The following VWA3B variants were observed in gnomAD, a reference collection of about 807,000 sequenced individuals.
VWA3B encodes the protein von Willebrand factor A domain containing 3B.
Under a neutral mutation model 158.3 loss-of-function variants are expected in VWA3B, and 138 were observed. That is an observed-to-expected ratio of 0.87 (90% CI 0.76 to 1.00). The LOEUF (loss-of-function observed/expected upper bound fraction) is 1.00, where lower values mean the gene tolerates loss of function less well. Among genes scored for constraint, VWA3B ranks in the 50% least tolerant of loss-of-function variants. The pLI, the probability that VWA3B is intolerant of heterozygous loss-of-function variation, is 0.00. For missense variants in VWA3B, 1,555 were observed against 1,565.1 expected, an observed-to-expected ratio of 0.99 and a Z score of 0.11; for synonymous variants, 596 against 587.3, an observed-to-expected ratio of 1.01 and a Z score of -0.21.
intron 20 of VWA3B, among the ~76,000 whole-genome samples, chr2:98,255,180 ATATTTTTTTTTTTT>A (rs1687044976): frequency 3.0e-5 from 2 of 65,934 alleles, no homozygotes; most frequent in South Asian, 6.8e-4. Flanking sequence ...CGCCCGGCTG[ATATTTTTTTTTTTT>A]TTTTTTTTTT....
intron 8 of VWA3B, among the ~76,000 whole-genome samples, chr2:98,169,460 G>GA (rs369156020): frequency 1.2e-3 from 174 of 141,930 alleles, no homozygotes; most frequent in African/African-American, 3.3e-3. Context: ...AAACCTGTCA[G>GA]AAAAAAAAAA....
At chr2:98,223,551 A>G (rs543303932) in intron 14 of VWA3B, among the ~76,000 whole-genome samples, 1 of 152,308 alleles carries the variant, frequency 6.6e-6, no homozygotes, top group Admixed American at 6.5e-5. Context: ...TGTCATAGTT[A>G]AACGTTTGAA....
intron 16 of VWA3B, among the ~76,000 whole-genome samples, chr2:98,234,405 G>A (rs1353541647): frequency 1.3e-5 from 2 of 152,192 alleles, no homozygotes; most frequent in Non-Finnish European, 2.9e-5. Flanking sequence ...GCAAGGAGCT[G>A]GGTTCTGCCA....
Position 98,155,376 on chromosome 2 carries a change from G to A in VWA3B, c.989-7475G>A, listed in dbSNP as rs1677977869. On this transcript the variant is annotated intron_variant, in intron 7 of 27. Transcript: ENST00000477737. ...TTTGCTCACGTAGATCTTGTATCAT[G>A]AGAATTTTCCAGGATACCCAAGGCC... is the stretch of plus-strand genomic sequence containing the variant. 3.9e-5 allele frequency among the ~76,000 whole-genome samples: 6 copies of A among 152,214 alleles called. No individual in the cohort carries two copies. In the South Asian group the frequency reaches 1.0e-3, roughly 26 times the overall value.
intron 2 of VWA3B, 143 bp downstream of exon 2, chr2:98,093,431 C>G (rs527848725): frequency 4.2e-6 from 3 of 714,084 alleles, no homozygotes; most frequent in African/African-American, 1.8e-5. Flanking sequence ...AATGCTTGCA[C>G]GTGTGCCCCC....
intron 11 of VWA3B, among the ~76,000 whole-genome samples, chr2:98,193,387 G>C (rs922524728): frequency 6.6e-6 from 1 of 152,096 alleles, no homozygotes; most frequent in South Asian, 2.1e-4. Flanking sequence ...CCTGGTGCAT[G>C]GGAGGCGTGC....
chr2:98,166,647 C>A (rs1201455154), intron 8 of VWA3B, among the ~76,000 whole-genome samples: 2 of 152,040 alleles, frequency 1.3e-5, no homozygotes, highest in Non-Finnish European at 2.9e-5. Context: ...TGATGGCAGC[C>A]CAAGCTGACT....
At chr2:98,119,240 A>G (rs1402557367) in intron 3 of VWA3B, among the ~76,000 whole-genome samples, 1 of 152,252 alleles carries the variant, frequency 6.6e-6, no homozygotes, top group Non-Finnish European at 1.5e-5. Context: ...TTTCTGATAA[A>G]GATAATCTGT....
chr2:98,134,515 A>G (rs540658972), intron 7 of VWA3B, among the ~76,000 whole-genome samples: 2 of 152,320 alleles, frequency 1.3e-5, no homozygotes, highest in Admixed American at 1.3e-4. Flanking sequence ...AAACAGTGGA[A>G]GGTTACTCAG....
chr2:98,227,803 C>T (rs143736041), intron 14 of VWA3B, among the ~76,000 whole-genome samples: 11 of 152,062 alleles, frequency 7.2e-5, no homozygotes, highest in South Asian at 2.1e-4. Flanking sequence ...TGGAGGGTGA[C>T]GAATATGTTC....
downstream of VWA3B, among the ~76,000 whole-genome samples, chr2:98,314,315 C>A (rs1446010888): frequency 6.6e-6 from 1 of 152,172 alleles, no homozygotes; most frequent in Non-Finnish European, 1.5e-5. Flanking sequence ...CTAATAAGTG[C>A]ATGGCTGTGA....
At chr2:98,321,590 G>A in the VWA3B span, among the ~76,000 whole-genome samples, 1 of 152,188 alleles carries the variant, frequency 6.6e-6, no homozygotes, top group Admixed American at 6.5e-5. Context: ...TCATTTCAGA[G>A]CTTTAAGATG....
Position 98,228,441 on chromosome 2 carries a change from A to G in VWA3B, c.2150+109A>G, listed in dbSNP as rs570009938. ...ATGCTCTGTGAAATTTCTTTTAGTG[A>G]AAAGAATCACGTAGTGTGATTAAGT... is the stretch of plus-strand genomic sequence containing the variant. On this transcript the variant is annotated intron_variant, in intron 15 of 27. Transcript: ENST00000477737. 57 of 1,356,990 alleles carry G rather than the reference A, an allele frequency of 4.2e-5. No homozygotes were observed. In the African/African-American group the frequency reaches 7.1e-4, roughly 17 times the overall value. The allele number at this position is 1,356,990 out of a possible 1,614,324, so 84.1% of individuals were successfully genotyped here.
Position 98,312,011 on chromosome 2 carries a change from G to A in VWA3B, c.3714G>A (p.Gln1238=), listed in dbSNP as rs761690324. 1.9e-6 allele frequency: 3 copies of A among 1,600,678 alleles called. No individual in the cohort carries two copies. Among genetic ancestry groups the A allele is most frequent in the Non-Finnish European group, 2.6e-6 (3 of 1,173,576 alleles). ...GCATCAGCTCCCATGGGTCCTGCCA[G>A]GGGACACACCCCGAGCCCAGGGTTT... ...SHGISSHGSC[Q]GTHPEPRTAH... is the part of the protein sequence containing the mutation. Residue 1238 remains glutamine (Q), a synonymous_variant, in exon 27 of 28, where the codon CAG becomes CAA. Transcript: ENST00000477737.
At chr2:98,293,954 T>A (rs542548091) in intron 23 of VWA3B, among the ~76,000 whole-genome samples, 1 of 151,990 alleles carries the variant, frequency 6.6e-6, no homozygotes, top group South Asian at 2.1e-4. Flanking sequence ...CTTTAGCCTT[T>A]CGTATTATCT....
At position 98,181,162 on chromosome 2, in the gene VWA3B, G is replaced by T. The variant is rs780984428; in HGVS notation, c.1261G>T (p.Val421Phe). The change falls in exon 9 of 28, where the codon GTT becomes TTT. Residue 421 changes from valine to phenylalanine, a missense_variant. Physicochemically the swap from Val to Phe is conservative, Grantham distance 50. Coordinates refer to ENST00000477737, the MANE Select transcript of VWA3B (RefSeq NM_144992.5). ...ADCSFRHADG[V>F]VDIKAKPENE... ...CTGCTCTTTCCGCCACGCTGATGGG[G>T]TTGTGGATATAAAAGCCAAACCGGA... The T allele has an allele frequency of 3.6e-5, 58 of 1,614,116 alleles. No homozygotes were observed. The East Asian group carries it at 1.3e-3, about 36-fold the overall frequency.
chr2:98,158,455 T>C (rs1041384776), intron 7 of VWA3B, among the ~76,000 whole-genome samples: 6 of 152,190 alleles, frequency 3.9e-5, no homozygotes, highest in Non-Finnish European at 7.3e-5. Flanking sequence ...ACTGGGTTCA[T>C]GGAAGGCTGA....
chr2:98,219,700 A>T (rs1186457819), intron 14 of VWA3B, among the ~76,000 whole-genome samples: 2 of 152,334 alleles, frequency 1.3e-5, no homozygotes, highest in Middle Eastern at 3.4e-3. Flanking sequence ...AAGAAGACAC[A>T]TTGTGCACAG....
intron 20 of VWA3B, among the ~76,000 whole-genome samples, chr2:98,253,160 AT>A: frequency 6.6e-6 from 1 of 152,122 alleles, no homozygotes; most frequent in Middle Eastern, 3.4e-3. Flanking sequence ...TTCTTTTTCC[AT>A]TTTGCTTCAT....
Sources: gnomAD v4.1 joint callset for allele counts (sites outside exome capture counted in the v4.1 genomes callset) on GRCh38, gnomAD v4.1.1 for gene constraint, MANE v1.5 for transcripts, NCBI Gene and HGNC (gene_info 2026-07-23, HGNC 2026-07-21) for gene names.